Variants in PLAAT4 observed in about 807,000 individuals in gnomAD.
PLAAT4 encodes the protein HRAS-like suppressor 4.
Under a neutral mutation model 14.1 loss-of-function variants are expected in PLAAT4, and 12 were observed. That is an observed-to-expected ratio of 0.85 (90% CI 0.54 to 1.37). The LOEUF (loss-of-function observed/expected upper bound fraction) is 1.37. Among genes scored for constraint, PLAAT4 ranks in the 40% most tolerant of loss-of-function variants. The pLI is 0.00. For missense variants in PLAAT4, 163 were observed against 211.7 expected, an observed-to-expected ratio of 0.77 and a Z score of 1.43; for synonymous variants, 77 against 79.8, an observed-to-expected ratio of 0.96 and a Z score of 0.19.
chr11:63,537,963 C>T (rs1263097951), intron 1 of PLAAT4, among the ~76,000 whole-genome samples: 1 of 152,158 alleles, frequency 6.6e-6, no homozygotes, highest in Non-Finnish European at 1.5e-5. Context: ...AGCAGAGGCC[C>T]CCGGGGACCC....
intron 2 of PLAAT4, 104 bp downstream of exon 2, chr11:63,539,728 G>A (rs972910703): frequency 4.3e-5 from 33 of 760,562 alleles, no homozygotes; most frequent in Non-Finnish European, 5.9e-5. Context: ...TTGAGAGGCC[G>A]AGGTGGGCAG....
chr11:63,543,120 A>C (rs1420682611), intron 2 of PLAAT4, among the ~76,000 whole-genome samples: 3 of 152,252 alleles, frequency 2.0e-5, no homozygotes, highest in African/African-American at 7.2e-5. Flanking sequence ...ATCTGACCTG[A>C]ATAAATAGGG....
At position 63,544,725 on chromosome 11, in the gene PLAAT4, C is replaced by A. The variant is rs371930466; in HGVS notation, c.223C>A (p.Arg75=). 2.5e-6 allele frequency: 4 copies of A among 1,614,158 alleles called. No homozygotes were observed. In the East Asian group the frequency reaches 6.7e-5, roughly 27 times the overall value. ...AGATGTGGTGGGAGGCTGTTGCTAT[C>A]GGGTCAACAACAGCTTGGACCATGA... ...LEDVVGGCCY[R]VNNSLDHEYQ... is the part of the protein sequence containing the mutation. Residue 75 remains arginine, a synonymous_variant, in exon 3 of 4, where the codon CGG becomes AGG. Coordinates refer to ENST00000255688, the MANE Select transcript of PLAAT4 (RefSeq NM_004585.5).
chr11:63,545,860 C>T (rs2017360619), intron 3 of PLAAT4, among the ~76,000 whole-genome samples: 1 of 152,138 alleles, frequency 6.6e-6, no homozygotes, highest in African/African-American at 2.4e-5. Context: ...AATGTCCTCA[C>T]TTGGAAGCTC....
intron 2 of PLAAT4, among the ~76,000 whole-genome samples, chr11:63,543,274 G>T (rs532662028): frequency 3.3e-4 from 50 of 152,330 alleles, no homozygotes; most frequent in African/African-American, 1.1e-3. Flanking sequence ...TGAGCATTCT[G>T]CCTGAGCTCC....
At chr11:63,545,651 G>A (rs1293369287) in intron 3 of PLAAT4, among the ~76,000 whole-genome samples, 1 of 152,096 alleles carries the variant, frequency 6.6e-6, no homozygotes, top group Non-Finnish European at 1.5e-5. Flanking sequence ...CTGCAGTTGG[G>A]AATAGTACAC....
At chr11:63,539,700 GCCT>G in intron 2 of PLAAT4, 76 bp downstream of exon 2, 6 of 1,161,342 alleles carry the variant, frequency 5.2e-6, no homozygotes, top group Admixed American at 2.0e-5. Context: ...GGTGGCTCAT[GCCT>G]GTAATCCCAG....
chr11:63,538,202 A>G (rs2017288274), intron 1 of PLAAT4, among the ~76,000 whole-genome samples: 1 of 151,870 alleles, frequency 6.6e-6, no homozygotes, highest in African/African-American at 2.4e-5. Context: ...GAGGGAGAGG[A>G]GGGTGAGGAA....
Position 63,544,647 on chromosome 11 carries a change from A to G in PLAAT4, c.145A>G (p.Ser49Gly). 1.2e-6 allele frequency: 2 copies of G among 1,613,758 alleles called. No individual in the cohort carries two copies. The highest frequency in any genetic ancestry group is 1.7e-6 in the Non-Finnish European group (2 of 1,179,678). Residue 49 changes from serine to glycine, a missense_variant, in exon 3 of 4, where the codon AGT (serine) becomes GGT (glycine). Physicochemically the swap from Ser to Gly is moderately conservative, Grantham distance 56 (BLOSUM62 0). Transcript: ENST00000255688. The part of the protein sequence containing the change: ...PSEYPGAGSS[S>G]VFSVLSNSAE... ...TGAGTACCCCGGGGCTGGCTCCTCCAGTGTCTTCTCAGTCCTGAGCAACAG... is the reference window on the plus strand; with the variant it reads ...TGAGTACCCCGGGGCTGGCTCCTCCGGTGTCTTCTCAGTCCTGAGCAACAG...
At chr11:63,540,424 T>C (rs1331432143) in intron 2 of PLAAT4, among the ~76,000 whole-genome samples, 2 of 152,160 alleles carry the variant, frequency 1.3e-5, no homozygotes, top group Admixed American at 6.5e-5. Flanking sequence ...CAGTAAGCAA[T>C]ACCAATGTTT....
At position 63,544,605 on chromosome 11, in the gene PLAAT4, G is replaced by A. The variant is rs1247422444; in HGVS notation, c.119-16G>A. On this transcript the variant is annotated splice_polypyrimidine_tract_variant and intron_variant, in intron 2 of 3. Transcript: ENST00000255688. ...ACTTCACCTTCCCCTGCCAGTGAGA[G>A]TGCCTCTGATTGCAGGTGAGTACCC... 6.2e-7 allele frequency: 1 copy of A among 1,604,060 alleles called. No individual in the cohort carries two copies. Among genetic ancestry groups the A allele is most frequent in the Non-Finnish European group, 8.5e-7 (1 of 1,172,242 alleles).
At chr11:63,543,358 G>C (rs1440781717) in intron 2 of PLAAT4, among the ~76,000 whole-genome samples, 2 of 152,238 alleles carry the variant, frequency 1.3e-5, no homozygotes, top group East Asian at 3.8e-4. Context: ...CACATGCAAG[G>C]GATCAGGCTC....
chr11:63,542,716 C>T (rs1197518293), intron 2 of PLAAT4, among the ~76,000 whole-genome samples: 1 of 152,202 alleles, frequency 6.6e-6, no homozygotes, highest in Non-Finnish European at 1.5e-5. Flanking sequence ...TTGCCTAACT[C>T]CTCATTCCTT....
At chr11:63,540,657 C>T (rs1269856686) in intron 2 of PLAAT4, among the ~76,000 whole-genome samples, 3 of 152,154 alleles carry the variant, frequency 2.0e-5, no homozygotes, top group African/African-American at 7.2e-5. Context: ...GAAACCCCGT[C>T]TCTATTAAAA....
At chr11:63,541,047 CA>C (rs966832684) in intron 2 of PLAAT4, among the ~76,000 whole-genome samples, 1 of 152,170 alleles carries the variant, frequency 6.6e-6, no homozygotes, top group Non-Finnish European at 1.5e-5. Flanking sequence ...CATCATCTCC[CA>C]GGCAGGATTG....
In PLAAT4 at chr11:63,546,443, G is replaced by A. The variant is rs538583934; in HGVS notation, c.*187G>A. 16 of 581,588 alleles carry A rather than the reference G, an allele frequency of 2.8e-5. 1 individual carries two copies. The South Asian group carries it at 3.4e-4, about 12-fold the overall frequency. The allele number at this position is 581,588 out of a possible 1,614,324, so 36.0% of individuals were successfully genotyped here. On this transcript the variant is annotated 3_prime_UTR_variant, in exon 4 of 4. Transcript: ENST00000255688. ...AACAAGACTGAAGGATCAATAAACA[G>A]CCATCTGCCCCTTCAGAAAGGACTT...
Position 63,546,187 on chromosome 11 carries a change from G to C in PLAAT4, c.426G>C (p.Ala142=), listed in dbSNP as rs757972293. ...AGGTTGAAGTCGGTGTGGCCACGGC[G>C]CTTGGAATCCTGGTTGTTGCTGGAT... is the stretch of plus-strand genomic sequence containing the variant. The part of the protein sequence containing the change: ...KAKVEVGVAT[A]LGILVVAGCS... The change falls in exon 4 of 4, where the codon GCG becomes GCC. Residue 142 remains alanine (A), a synonymous_variant. Coordinates refer to ENST00000255688, the MANE Select transcript of PLAAT4 (RefSeq NM_004585.5). 1.2e-6 allele frequency: 2 copies of C among 1,613,976 alleles called. No homozygotes were observed. The highest frequency in any genetic ancestry group is 1.7e-6 in the Non-Finnish European group (2 of 1,180,008).
At chr11:63,540,237 G>A (rs2017310998) in intron 2 of PLAAT4, among the ~76,000 whole-genome samples, 1 of 152,190 alleles carries the variant, frequency 6.6e-6, no homozygotes, top group Admixed American at 6.5e-5. Flanking sequence ...AACCAGCCAG[G>A]TTTCTTAGGT....
chr11:63,539,910 G>A (rs1179694441), intron 2 of PLAAT4, among the ~76,000 whole-genome samples: 3 of 152,220 alleles, frequency 2.0e-5, no homozygotes, highest in Admixed American at 6.5e-5. Context: ...GCAGTGAGCC[G>A]AGATCGTGCC....
Sources: gnomAD v4.1 joint callset for allele counts (sites outside exome capture counted in the v4.1 genomes callset) on GRCh38, gnomAD v4.1.1 for gene constraint, MANE v1.5 for transcripts, NCBI Gene and HGNC (gene_info 2026-07-23, HGNC 2026-07-21) for gene names.